RFTN1: variants seen among roughly 807,000 people sequenced by gnomAD.
RFTN1 encodes raftlin, lipid raft linker 1.
A neutral mutation model predicts 46.5 loss-of-function variants in RFTN1; 26 were observed. The observed-to-expected ratio is 0.56, with a 90% CI of 0.41 to 0.78. The LOEUF (loss-of-function observed/expected upper bound fraction) is 0.78, where lower values mean the gene tolerates loss of function less well. RFTN1 is among the 30% of genes least tolerant of loss of function. RFTN1 has a pLI of 0.00. For missense variants in RFTN1, 693 were observed against 718.7 expected (o/e 0.96, Z 0.41); for synonymous variants, 261 against 284.2 (o/e 0.92, Z 0.82).
intron 7 of RFTN1, among the ~76,000 whole-genome samples, chr3:16,333,481 T>C (rs1320565596): frequency 1.3e-5 from 2 of 151,958 alleles, no homozygotes; most frequent in African/African-American, 2.4e-5. Context: ...ATCTATCTAA[T>C]TATGTCATTC....
chr3:16,355,302 T>A (rs779174673), intron 7 of RFTN1, among the ~76,000 whole-genome samples: 2 of 152,212 alleles, frequency 1.3e-5, no homozygotes, highest in Non-Finnish European at 2.9e-5. Context: ...CCATTCCTAC[T>A]CCTATAACAA....
At chr3:16,393,949 G>A (rs553041886) in intron 4 of RFTN1, among the ~76,000 whole-genome samples, 19 of 152,092 alleles carry the variant, frequency 1.2e-4, no homozygotes, top group East Asian at 7.7e-4. Flanking sequence ...GTGAGCCACC[G>A]CACCCGGCCA....
chr3:16,326,904 T>C, intron 7 of RFTN1, 28 bp from the exon 8 acceptor site: 3 of 1,571,474 alleles, frequency 1.9e-6, no homozygotes, highest in Non-Finnish European at 2.6e-6. Context: ...GCATTAGGGC[T>C]GCTGCTGCCA....
rs1370657873 is a variant in RFTN1, at chr3:16,372,718, A to C, written c.827-2439T>G. The stretch of plus-strand genomic sequence containing the variant: ...AAAGGGGAAGGCCAAAGGAGAAGTG[A>C]GAATGCTGGGGGTGTAGCGGAGGAA... On this transcript the variant is annotated intron_variant, in intron 5 of 9. Coordinates refer to ENST00000334133, the MANE Select transcript of RFTN1 (RefSeq NM_015150.2). Among the ~76,000 whole-genome samples the C allele has an allele frequency of 7.2e-5, 11 of 152,242 alleles. No individual in the cohort carries two copies. In the South Asian group the frequency reaches 2.3e-3, roughly 31 times the overall value.
In RFTN1 at chr3:16,479,087, T is replaced by C. The variant is rs2076327118; in HGVS notation, c.145+14638A>G. On this transcript the variant is annotated intron_variant, in intron 2 of 9. Transcript: ENST00000334133. This position sits in a 1 kb window ranked among gnomAD's most constrained non-coding sequence, Gnocchi z 5.1. ...ATGCTACTTGATATCATAACACTAA[T>C]GAGCAGGAAAGTTGAGTTAAAGTTG... 6.6e-6 allele frequency among the ~76,000 whole-genome samples: 1 copy of C among 152,180 alleles called. No individual in the cohort carries two copies. The highest frequency in any genetic ancestry group is 2.4e-5 in the African/African-American group (1 of 41,430).
rs6442602 is a variant in RFTN1, at chr3:16,434,024, C to T, written c.159G>A (p.Gly53=). The T allele has an allele frequency of 8.4e-4, 1,348 of 1,601,460 alleles. 9 individuals are homozygous for T. The African/African-American group carries it at 0.016, about 19-fold the overall frequency. The change falls in exon 3 of 10, where the codon GGG becomes GGA. Residue 53 remains glycine (G), a synonymous_variant. Coordinates refer to ENST00000334133, the MANE Select transcript of RFTN1 (RefSeq NM_015150.2). ...FTTLSAAELP[G]SSAVRLASLR... ...GGGAGGCCAGCCTCACTGCTGAGGA[C>T]CCAGGGAGCTCCGCTGGAGTGGAGA... is the stretch of plus-strand genomic sequence containing the variant.
In RFTN1 at chr3:16,421,256, A is replaced by G. The variant is rs188407351; in HGVS notation, c.333-11773T>C. On this transcript the variant is annotated intron_variant, in intron 3 of 9. Coordinates refer to ENST00000334133, the MANE Select transcript of RFTN1 (RefSeq NM_015150.2). This position sits in a 1 kb window ranked among gnomAD's most constrained non-coding sequence, Gnocchi z 4.6. ...ACTTGAAATGAGATTCATTGTTAAC[A>G]TAATGGAACTATAACACACTTTTCA... is the stretch of plus-strand genomic sequence containing the variant. 6.6e-6 allele frequency among the ~76,000 whole-genome samples: 1 copy of G among 152,348 alleles called. No individual in the cohort carries two copies. The highest frequency in any genetic ancestry group is 1.5e-5 in the Non-Finnish European group (1 of 68,028).
chr3:16,396,958 G>A (rs976367739), intron 4 of RFTN1, among the ~76,000 whole-genome samples: 1 of 151,592 alleles, frequency 6.6e-6, no homozygotes, highest in African/African-American at 2.4e-5. Flanking sequence ...AGCTACTCGG[G>A]AGGCTGAGGC....
rs2073018138 is a variant in RFTN1 at position 16,364,323 on chromosome 3, G to A, written c.1030+5753C>T. On this transcript the variant is annotated intron_variant, in intron 6 of 9. Coordinates refer to ENST00000334133, the MANE Select transcript of RFTN1 (RefSeq NM_015150.2). ...AGCTGTCATTCCCTTTTAGTGGGTAGACAACTGAGTTAAATGATTAGTCCA... is the reference window on the plus strand; with the variant it reads ...AGCTGTCATTCCCTTTTAGTGGGTAAACAACTGAGTTAAATGATTAGTCCA... 1.3e-5 allele frequency among the ~76,000 whole-genome samples: 2 copies of A among 152,228 alleles called. 1 individual carries two copies. The highest frequency in any genetic ancestry group is 4.1e-4 in the South Asian group (2 of 4,838).
chr3:16,466,301 G>A lies in RFTN1; in HGVS notation c.145+27424C>T, dbSNP rs775192019. 6.6e-5 allele frequency among the ~76,000 whole-genome samples: 10 copies of A among 152,076 alleles called. No individual in the cohort carries two copies. The highest frequency in any genetic ancestry group is 1.0e-4 in the Non-Finnish European group (7 of 68,008). On this transcript the variant is annotated intron_variant, in intron 2 of 9. Transcript: ENST00000334133. The surrounding 1 kb of genome is among the most constrained non-coding windows in gnomAD (Gnocchi z 5.6). ...ACTGCATTCCTATTCAGGGATTTAC[G>A]TGGGAAAAAAAGAAATCAGTGTTTT... is the stretch of plus-strand genomic sequence containing the variant.
chr3:16,399,488 A>G (rs1234488381), intron 4 of RFTN1, among the ~76,000 whole-genome samples: 2 of 152,306 alleles, frequency 1.3e-5, no homozygotes, highest in African/African-American at 4.8e-5. Flanking sequence ...GAAAGGGCTG[A>G]TAACTCCTCC....
intron 7 of RFTN1, among the ~76,000 whole-genome samples, chr3:16,331,167 C>A (rs1459064595): frequency 6.6e-6 from 1 of 152,174 alleles, no homozygotes; most frequent in Non-Finnish European, 1.5e-5. Context: ...TTGCCTTTCA[C>A]CAATTAGGGT....
intron 2 of RFTN1, among the ~76,000 whole-genome samples, chr3:16,462,118 C>A (rs911721017): frequency 8.5e-5 from 13 of 152,168 alleles, no homozygotes; most frequent in Admixed American, 7.2e-4. Flanking sequence ...CCTGGCTCTG[C>A]CACTTACTAG....
chr3:16,482,846 A>C (rs2076390419), intron 2 of RFTN1: 1 of 1,535,748 alleles, frequency 6.5e-7, no homozygotes, highest in Admixed American at 2.0e-5. Flanking sequence ...TTCTGCCATG[A>C]AGATGAAGGA....
intron 2 of RFTN1, among the ~76,000 whole-genome samples, chr3:16,469,729 G>A (rs192624488): frequency 1.5e-4 from 23 of 152,352 alleles, no homozygotes; most frequent in African/African-American, 5.5e-4. Context: ...GAGGATGCTT[G>A]CTCACCTTGA....
Position 16,376,425 on chromosome 3 carries a change from C to G in RFTN1, c.826+1293G>C, listed in dbSNP as rs1412826367. 6.6e-6 allele frequency among the ~76,000 whole-genome samples: 1 copy of G among 152,142 alleles called. No individual in the cohort carries two copies. The highest frequency in any genetic ancestry group is 6.5e-5 in the Admixed American group (1 of 15,278). On this transcript the variant is annotated intron_variant, in intron 5 of 9. Coordinates refer to ENST00000334133, the MANE Select transcript of RFTN1 (RefSeq NM_015150.2). This position sits in a 1 kb window ranked among gnomAD's most constrained non-coding sequence, Gnocchi z 4.7. ...GGCCTGACTCTCGCCCTCCCACAGTCCTGGACCGTACAGAAGGACTCCAGT... is the reference window on the plus strand; with the variant it reads ...GGCCTGACTCTCGCCCTCCCACAGTGCTGGACCGTACAGAAGGACTCCAGT...
rs2075758078 is a variant in RFTN1 at position 16,447,748 on chromosome 3, A to G, written c.146-13711T>C. Among the ~76,000 whole-genome samples the G allele has an allele frequency of 6.6e-6, 1 of 152,262 alleles. No individual in the cohort carries two copies. Among genetic ancestry groups the G allele is most frequent in the Non-Finnish European group, 1.5e-5 (1 of 68,050 alleles). ...GTGAAAATCATTTCTAATTACACCC[A>G]GAAGAAAAATACGATCTATCCACCG... On this transcript the variant is annotated intron_variant, in intron 2 of 9. Coordinates refer to ENST00000334133, the MANE Select transcript of RFTN1 (RefSeq NM_015150.2). This position sits in a 1 kb window ranked among gnomAD's most constrained non-coding sequence, Gnocchi z 5.9.
At chr3:16,358,274 T>G (rs2072591219) in intron 6 of RFTN1, among the ~76,000 whole-genome samples, 1 of 152,236 alleles carries the variant, frequency 6.6e-6, no homozygotes, top group Non-Finnish European at 1.5e-5. Flanking sequence ...CTTGATTTTA[T>G]GAGCCCAAAT....
rs2075134579 is a variant in RFTN1 at position 16,418,878 on chromosome 3, C to T, written c.333-9395G>A. The stretch of plus-strand genomic sequence containing the variant: ...CATATGAGGGATTGAAGGCACTGCC[C>T]TCAAGTCTAGATCCTGCCCTCAAGT... On this transcript the variant is annotated intron_variant, in intron 3 of 9. Transcript: ENST00000334133. The surrounding 1 kb of genome is among the most constrained non-coding windows in gnomAD (Gnocchi z 5.0). 1.3e-5 allele frequency among the ~76,000 whole-genome samples: 2 copies of T among 152,096 alleles called. No individual in the cohort carries two copies. The highest frequency in any genetic ancestry group is 4.8e-5 in the African/African-American group (2 of 41,398).
Sources: allele counts gnomAD v4.1 joint callset (sites outside exome capture counted in the v4.1 genomes callset), GRCh38; gene constraint gnomAD v4.1.1; non-coding constraint Gnocchi (gnomAD v3.1); transcripts MANE v1.5; gene names NCBI Gene and HGNC (gene_info 2026-07-23, HGNC 2026-07-21).